PTPRT: variants seen among roughly 807,000 people sequenced by gnomAD.
PTPRT encodes receptor-type tyrosine-protein phosphatase T.
In PTPRT, 56 loss-of-function variants were observed where a neutral mutation model predicts 176.8. The observed-to-expected ratio is 0.32, with a 90% CI of 0.26 to 0.40. The LOEUF is 0.40. Among genes scored for constraint, PTPRT ranks in the 10% least tolerant of loss-of-function variants. The probability of loss-of-function intolerance (pLI) is 1.00; values close to 1 mark genes in which losing one functional copy is unlikely to be tolerated. For synonymous variants in PTPRT, 783 were observed against 739.0 expected (o/e 1.06, Z -0.96); for missense variants, 1,540 against 1,908.2 (o/e 0.81, Z 3.60).
intron 1 of PTPRT, among the ~76,000 whole-genome samples, chr20:42,954,530 G>C (rs1363295347): frequency 6.6e-6 from 1 of 152,206 alleles, no homozygotes; most frequent in Non-Finnish European, 1.5e-5. Context: ...ACAAGTTCCA[G>C]AAAGGCAAGC....
chr20:43,125,103 C>T (rs1350498759), intron 1 of PTPRT, among the ~76,000 whole-genome samples: 1 of 151,742 alleles, frequency 6.6e-6, no homozygotes, highest in Admixed American at 6.6e-5. Context: ...TCAAGCTATT[C>T]TCCTGCCCCA....
chr20:42,949,717 G>A (rs1283397093), intron 1 of PTPRT, among the ~76,000 whole-genome samples: 2 of 152,176 alleles, frequency 1.3e-5, no homozygotes, highest in African/African-American at 4.8e-5. Context: ...AGGTTTTGAA[G>A]TACCTTGTTA....
In PTPRT at chr20:42,689,931, G is replaced by C. The variant is rs144960302; in HGVS notation, c.860-11772C>G. On this transcript the variant is annotated intron_variant, in intron 6 of 30. Coordinates refer to ENST00000373187, the MANE Select transcript of PTPRT (RefSeq NM_007050.6). Reference sequence around the variant, plus strand: ...TCCAATGCTATAAGATCATAAATTTGTGTTGTCTTAGACCACTAACTTTGT... The same window carrying C: ...TCCAATGCTATAAGATCATAAATTTCTGTTGTCTTAGACCACTAACTTTGT... Among the ~76,000 whole-genome samples the C allele has an allele frequency of 1.8e-4, 28 of 152,258 alleles. 1 individual carries two copies. Among genetic ancestry groups the C allele is most frequent in the African/African-American group, 6.5e-4 (27 of 41,538 alleles).
intron 12 of PTPRT, among the ~76,000 whole-genome samples, chr20:42,315,027 T>C (rs1026259126): frequency 1.3e-5 from 2 of 152,078 alleles, no homozygotes; most frequent in Non-Finnish European, 2.9e-5. Flanking sequence ...GCCCTGTGAT[T>C]TTCTAATATT....
intron 12 of PTPRT, among the ~76,000 whole-genome samples, 162 bp from the exon 13 acceptor site, chr20:42,282,687 C>T (rs1414936328): frequency 6.6e-6 from 1 of 151,964 alleles, no homozygotes; most frequent in East Asian, 1.9e-4. Context: ...CATCGGATGA[C>T]CTTTTAATTC....
rs752120 is a variant in PTPRT, at chr20:42,745,352, G to A, written c.859+11110C>T. 4.3e-3 allele frequency among the ~76,000 whole-genome samples: 650 copies of A among 152,304 alleles called. 6 individuals are homozygous for A. The highest frequency in any genetic ancestry group is 0.015 in the African/African-American group (618 of 41,570). Reference sequence around the variant, plus strand: ...CTAAGTACAAAAGCCTTCCCATGGGGCAGGATCTGGGCCAGTACGACTGGC... The same window carrying A: ...CTAAGTACAAAAGCCTTCCCATGGGACAGGATCTGGGCCAGTACGACTGGC... On this transcript the variant is annotated intron_variant, in intron 6 of 30. Coordinates refer to ENST00000373187, the MANE Select transcript of PTPRT (RefSeq NM_007050.6).
At chr20:42,889,157 C>G (rs2079150883) in intron 1 of PTPRT, among the ~76,000 whole-genome samples, 1 of 152,150 alleles carries the variant, frequency 6.6e-6, no homozygotes, top group African/African-American at 2.4e-5. Context: ...GGTCCTGGCC[C>G]TCTGAGGACT....
intron 16 of PTPRT, among the ~76,000 whole-genome samples, chr20:42,169,743 A>AACAC (rs56329932): frequency 0.1 from 10,861 of 104,446 alleles, 670 homozygotes; most frequent in Middle Eastern, 0.15. Context: ...ACAATTTTCA[A>AACAC]ACACACACAC....
In PTPRT at chr20:42,270,256, G is replaced by A. The variant is rs1461756445; in HGVS notation, c.2176+12233C>T. ...GATGGGTGGATGAATGAATGTGTGG[G>A]TTGATGGGTGAATGGGTGGGGGGGT... is the stretch of plus-strand genomic sequence containing the variant. On this transcript the variant is annotated intron_variant, in intron 13 of 30. Coordinates refer to ENST00000373187, the MANE Select transcript of PTPRT (RefSeq NM_007050.6). 8.2e-6 allele frequency: 6 copies of A among 727,382 alleles called. No homozygotes were observed. The East Asian group carries it at 1.6e-4, about 20-fold the overall frequency. 45.1% of individuals were successfully genotyped at this position (727,382 alleles called of 1,614,324 possible).
At chr20:43,075,862 G>C (rs1042309949) in intron 1 of PTPRT, among the ~76,000 whole-genome samples, 3 of 152,230 alleles carry the variant, frequency 2.0e-5, no homozygotes, top group Non-Finnish European at 4.4e-5. Context: ...GCATAAAGTA[G>C]TAGTGAGAGC....
At chr20:42,984,755 A>G (rs545164500) in intron 1 of PTPRT, among the ~76,000 whole-genome samples, 2 of 152,380 alleles carry the variant, frequency 1.3e-5, no homozygotes, top group East Asian at 3.9e-4. Context: ...TAGTAGAAGA[A>G]GAGCCTAGGC....
chr20:42,721,345 C>T (rs913663132), intron 6 of PTPRT, among the ~76,000 whole-genome samples: 7 of 152,046 alleles, frequency 4.6e-5, no homozygotes, highest in African/African-American at 1.7e-4. Flanking sequence ...TGAGATGGAT[C>T]CACAGGAGGC....
rs559103761 is a variant in PTPRT at position 42,656,742 on chromosome 20, A to T, written c.1153+21124T>A. 1.1e-3 allele frequency among the ~76,000 whole-genome samples: 164 copies of T among 152,298 alleles called. 1 individual carries two copies. Among genetic ancestry groups the T allele is most frequent in the African/African-American group, 3.9e-3 (161 of 41,566 alleles). On this transcript the variant is annotated intron_variant, in intron 7 of 30. Coordinates refer to ENST00000373187, the MANE Select transcript of PTPRT (RefSeq NM_007050.6). ...ATTACAGCTTTTAAAAATTAGGAAA[A>T]ACTTACATGTCTGGAAATCAAAGTT...
chr20:42,662,868 T>C (rs1027862639), intron 7 of PTPRT, among the ~76,000 whole-genome samples: 3 of 152,140 alleles, frequency 2.0e-5, no homozygotes, highest in African/African-American at 7.2e-5. Context: ...TGTTTTACAA[T>C]TTATAACAAT....
In PTPRT at chr20:43,035,964, A is replaced by G. The variant is rs190417899; in HGVS notation, c.89-150032T>C. Among the ~76,000 whole-genome samples, 5 of 152,274 alleles carry G rather than the reference A, an allele frequency of 3.3e-5. No individual in the cohort carries two copies. In the East Asian group the frequency reaches 9.7e-4, roughly 29 times the overall value. ...CCTGAACCATAAACATACACTGGAT[A>G]CCATCCCTGGACCAGCAATCACACA... is the stretch of plus-strand genomic sequence containing the variant. On this transcript the variant is annotated intron_variant, in intron 1 of 30. Transcript: ENST00000373187.
intron 7 of PTPRT, among the ~76,000 whole-genome samples, chr20:42,638,140 T>A (rs1370370454): frequency 1.3e-5 from 2 of 152,170 alleles, no homozygotes; most frequent in African/African-American, 4.8e-5. Flanking sequence ...CTACTGATTC[T>A]ATCCATAGAT....
chr20:42,954,966 G>T (rs1981529405), intron 1 of PTPRT, among the ~76,000 whole-genome samples: 1 of 151,830 alleles, frequency 6.6e-6, no homozygotes, highest in South Asian at 2.1e-4. Flanking sequence ...GGTTAAGGAA[G>T]GGTAGAAAGG....
intron 7 of PTPRT, among the ~76,000 whole-genome samples, chr20:42,658,321 A>G (rs923186793): frequency 6.6e-6 from 1 of 152,204 alleles, no homozygotes; most frequent in Non-Finnish European, 1.5e-5. Context: ...CCTGTAACTC[A>G]GGCCTGAACA....
chr20:42,339,285 G>T (rs1437165767), intron 11 of PTPRT, among the ~76,000 whole-genome samples: 1 of 152,154 alleles, frequency 6.6e-6, no homozygotes, highest in East Asian at 1.9e-4. Flanking sequence ...GAATTATTTT[G>T]ACACCAGTTA....
Sources: gnomAD v4.1 joint callset for allele counts (sites outside exome capture counted in the v4.1 genomes callset) on GRCh38, gnomAD v4.1.1 for gene constraint, MANE v1.5 for transcripts, NCBI Gene and HGNC (gene_info 2026-07-23, HGNC 2026-07-21) for gene names.